SPATA13: variants seen among roughly 807,000 people sequenced by gnomAD.
SPATA13 encodes spermatogenesis associated 13.
Under a neutral mutation model 104.0 loss-of-function variants are expected in SPATA13, and 50 were observed. The observed-to-expected ratio is 0.48, with a 90% CI of 0.38 to 0.61. The LOEUF is 0.61. SPATA13 is among the 20% of genes least tolerant of loss of function. The probability of loss-of-function intolerance (pLI) is 0.00; values close to 1 mark genes in which losing one functional copy is unlikely to be tolerated. For missense variants in SPATA13, 1,524 were observed against 1,690.6 expected (o/e 0.90, Z 1.73); for synonymous variants, 606 against 667.5 (o/e 0.91, Z 1.42).
chr13:23,991,395 A>C (rs1875409879), intron 2 of SPATA13, among the ~76,000 whole-genome samples: 2 of 152,150 alleles, frequency 1.3e-5, no homozygotes, highest in South Asian at 2.1e-4. Flanking sequence ...AGCAAAGGTC[A>C]TATTTTACTG....
intron 3 of SPATA13, among the ~76,000 whole-genome samples, chr13:24,138,472 A>G (rs1881647087): frequency 6.6e-6 from 1 of 152,238 alleles, no homozygotes; most frequent in South Asian, 2.1e-4. Flanking sequence ...CTACTTTAAT[A>G]AAGGAACTGC....
At chr13:24,087,076 C>G (rs988278535) in intron 3 of SPATA13, among the ~76,000 whole-genome samples, 2 of 152,202 alleles carry the variant, frequency 1.3e-5, no homozygotes, top group African/African-American at 2.4e-5. Context: ...GTCCCTCCCC[C>G]AGTCACAGTG....
At chr13:24,257,762 A>T (rs1323100714) in intron 4 of SPATA13, among the ~76,000 whole-genome samples, 1 of 152,184 alleles carries the variant, frequency 6.6e-6, no homozygotes, top group Admixed American at 6.5e-5. Context: ...GCAGGTTGTA[A>T]AACTAAATCA....
intron 2 of SPATA13, among the ~76,000 whole-genome samples, chr13:24,016,064 A>G (rs566736738): frequency 1.3e-5 from 2 of 152,090 alleles, no homozygotes; most frequent in East Asian, 3.9e-4. Flanking sequence ...CATGGTTCTG[A>G]GCTCCACAAG....
At chr13:24,189,024 A>G (rs1275666231) in intron 1 of SPATA13, among the ~76,000 whole-genome samples, 1 of 152,192 alleles carries the variant, frequency 6.6e-6, no homozygotes, top group Non-Finnish European at 1.5e-5. Context: ...TCTTTTTGAA[A>G]TATTACTGCT....
At chr13:24,067,199 T>G (rs907111463) in intron 3 of SPATA13, among the ~76,000 whole-genome samples, 3 of 152,158 alleles carry the variant, frequency 2.0e-5, no homozygotes, top group Admixed American at 6.5e-5. Flanking sequence ...AGTCTCAGTC[T>G]TCACACTTTC....
Position 24,136,916 on chromosome 13 carries a change from G to A in SPATA13, c.-111-85903G>A, listed in dbSNP as rs1386731224. On this transcript the variant is annotated intron_variant, in intron 3 of 14. Coordinates refer to the SPATA13 transcript ENST00000424834. ...GGGATCTCGGCTCACTGCAAGCTCC[G>A]CCTCCCAGGTTCACGCCATTCTCCT... 3.7e-4 allele frequency among the ~76,000 whole-genome samples: 38 copies of A among 104,052 alleles called. 1 individual carries two copies. Among genetic ancestry groups the A allele is most frequent in the South Asian group, 1.5e-3 (4 of 2,710 alleles). 68.3% of individuals were successfully genotyped at this position (104,052 alleles called of 152,430 possible).
At chr13:24,232,156 C>T (rs958817108) in intron 2 of SPATA13, among the ~76,000 whole-genome samples, 2 of 152,150 alleles carry the variant, frequency 1.3e-5, no homozygotes, top group South Asian at 2.1e-4. Context: ...TGTAGTTCAG[C>T]GTGAGCCTGG....
At chr13:24,120,459 G>C (rs190624260) in intron 3 of SPATA13, among the ~76,000 whole-genome samples, 53 of 152,248 alleles carry the variant, frequency 3.5e-4, no homozygotes, top group South Asian at 1.5e-3. Context: ...TAAGTAAAAG[G>C]AGTTAAATTT....
At chr13:24,090,404 G>A (rs532795386) in intron 3 of SPATA13, among the ~76,000 whole-genome samples, 42 of 152,160 alleles carry the variant, frequency 2.8e-4, no homozygotes, top group Middle Eastern at 3.4e-3. Flanking sequence ...TAGATGCCCC[G>A]CAAACACCTC....
At chr13:24,199,714 A>G (rs939731881) in intron 1 of SPATA13, among the ~76,000 whole-genome samples, 2 of 152,182 alleles carry the variant, frequency 1.3e-5, no homozygotes, top group African/African-American at 2.4e-5. Flanking sequence ...ACCTGCGGCA[A>G]TGTATTGGAA....
At chr13:24,132,346 A>T (rs775947102) in intron 3 of SPATA13, among the ~76,000 whole-genome samples, 3 of 152,238 alleles carry the variant, frequency 2.0e-5, no homozygotes, top group African/African-American at 7.2e-5. Context: ...CTTCAGTTTC[A>T]TAGGGCCATC....
At chr13:24,041,688 G>A (rs1877935522) in intron 3 of SPATA13, among the ~76,000 whole-genome samples, 1 of 152,170 alleles carries the variant, frequency 6.6e-6, no homozygotes, top group Admixed American at 6.5e-5. Flanking sequence ...GGTGAGGGCT[G>A]GGCTGGGGAA....
At chr13:23,980,446 A>G (rs1044774900) in intron 1 of SPATA13, among the ~76,000 whole-genome samples, 2 of 152,210 alleles carry the variant, frequency 1.3e-5, no homozygotes, top group African/African-American at 2.4e-5. Flanking sequence ...GTCGGTGTCA[A>G]TCCACAGTCC....
intron 2 of SPATA13, among the ~76,000 whole-genome samples, chr13:24,236,495 C>T (rs1176170400): frequency 2.0e-5 from 3 of 150,928 alleles, no homozygotes; most frequent in Non-Finnish European, 4.4e-5. Flanking sequence ...CTCGGGGAGG[C>T]TGAGGCAGGA....
intron 3 of SPATA13, among the ~76,000 whole-genome samples, chr13:24,081,880 C>G (rs1205977201): frequency 6.6e-6 from 1 of 152,302 alleles, no homozygotes; most frequent in Non-Finnish European, 1.5e-5. Context: ...ACAGACAATG[C>G]TGGAATAAGT....
At position 24,188,448 on chromosome 13, in the gene SPATA13, C is replaced by T. The variant is rs1004272061; in HGVS notation, c.-112+27516C>T. Among the ~76,000 whole-genome samples the T allele has an allele frequency of 2.0e-5, 3 of 152,194 alleles. No individual in the cohort carries two copies. The South Asian group carries it at 6.2e-4, about 31-fold the overall frequency. On this transcript the variant is annotated intron_variant, in intron 1 of 12. Transcript: ENST00000382108. ...TTTAGTGGTCCAGATAGAGATCAAA[C>T]TGGCCATAATATTTCCTTAAGCCAA...
intron 3 of SPATA13, among the ~76,000 whole-genome samples, chr13:24,115,019 A>G (rs1566108535): frequency 6.6e-6 from 1 of 152,154 alleles, no homozygotes; most frequent in Non-Finnish European, 1.5e-5. Flanking sequence ...GACAGGAGGA[A>G]TTTCCAGAAA....
intron 1 of SPATA13, among the ~76,000 whole-genome samples, chr13:24,198,728 T>C (rs189845121): frequency 5.3e-5 from 8 of 152,346 alleles, no homozygotes; most frequent in Non-Finnish European, 8.8e-5. Flanking sequence ...TGGGTCGTCC[T>C]GTGAGGGCTA....
Sources: allele counts gnomAD v4.1 joint callset (sites outside exome capture counted in the v4.1 genomes callset), GRCh38; gene constraint gnomAD v4.1.1; transcripts MANE v1.5; gene names NCBI Gene and HGNC (gene_info 2026-07-23, HGNC 2026-07-21).